The following NRDC variants were observed in gnomAD, a reference collection of about 807,000 sequenced individuals.
NRDC encodes the protein nardilysin.
NRDC carries 54 observed loss-of-function variants against 147.1 expected under a neutral mutation model. That is an observed-to-expected ratio of 0.37 (90% CI 0.29 to 0.46). The LOEUF is 0.46. Among genes scored for constraint, NRDC ranks in the 20% least tolerant of loss-of-function variants. The probability of loss-of-function intolerance (pLI) is 1.00; values close to 1 mark genes in which losing one functional copy is unlikely to be tolerated. For synonymous variants in NRDC, 440 were observed against 482.1 expected, an observed-to-expected ratio of 0.91 and a Z score of 1.14; for missense variants, 1,082 against 1,370.6, an observed-to-expected ratio of 0.79 and a Z score of 3.33.
intron 1 of NRDC, among the ~76,000 whole-genome samples, chr1:51,872,029 A>G (rs1439353772): frequency 1.3e-5 from 2 of 151,962 alleles, no homozygotes; most frequent in Non-Finnish European, 2.9e-5. Context: ...CCGCCACCAC[A>G]CCCAGCTAAT....
chr1:51,856,808 T>C (rs1176987971), intron 1 of NRDC, among the ~76,000 whole-genome samples: 1 of 152,154 alleles, frequency 6.6e-6, no homozygotes, highest in Non-Finnish European at 1.5e-5. Context: ...GGGTCTTGTC[T>C]TGGGGCAGAT....
Position 51,814,769 on chromosome 1 carries a change from A to T in NRDC, c.1484T>A (p.Phe495Tyr). 1 of 1,611,188 alleles carries T rather than the reference A, an allele frequency of 6.2e-7. No individual in the cohort carries two copies. ...CACTGAATAAGTAGAATTTTGCTCA[A>T]ATCCTGTCTCACCATTTCCACCAAA... ...ALFGGNGETG[F>Y]EQNSTYSVFS... Residue 495 changes from phenylalanine (F) to tyrosine (Y), a missense_variant, in exon 12 of 31, where the codon TTT (phenylalanine) becomes TAT (tyrosine). Phe to Tyr is a conservative substitution (Grantham distance 22). Transcript: ENST00000352171.
chr1:51,827,755 G>T (rs1239581040), intron 5 of NRDC, 41 bp downstream of exon 5: 2 of 1,499,712 alleles, frequency 1.3e-6, no homozygotes, highest in Non-Finnish European at 1.9e-6. Context: ...CTGGTTTCAT[G>T]AAGGAAAAAA....
chr1:51,815,378 T>C (rs1405651478), intron 11 of NRDC, among the ~76,000 whole-genome samples: 2 of 152,080 alleles, frequency 1.3e-5, no homozygotes, highest in Non-Finnish European at 2.9e-5. Context: ...TAAAACATAC[T>C]TACATTGAAT....
intron 1 of NRDC, among the ~76,000 whole-genome samples, chr1:51,847,595 C>T (rs1335793464): frequency 2.0e-5 from 3 of 152,314 alleles, no homozygotes; most frequent in South Asian, 2.1e-4. Context: ...GGTGACCTGA[C>T]GCACCCTCCG....
chr1:51,826,311 T>C (rs1193760930), intron 5 of NRDC, among the ~76,000 whole-genome samples: 3 of 152,210 alleles, frequency 2.0e-5, no homozygotes, highest in African/African-American at 7.2e-5. Flanking sequence ...TAAGCCACCA[T>C]GTTTCTGCAA....
chr1:51,806,195 C>T (rs912029042), intron 18 of NRDC, among the ~76,000 whole-genome samples: 1 of 151,784 alleles, frequency 6.6e-6, no homozygotes, highest in Non-Finnish European at 1.5e-5. Context: ...CTACTTAACT[C>T]TATACTATGC....
chr1:51,835,295 A>C (rs1307978730), intron 3 of NRDC, among the ~76,000 whole-genome samples: 1 of 151,894 alleles, frequency 6.6e-6, no homozygotes, highest in Non-Finnish European at 1.5e-5. Context: ...TCCTGACCTC[A>C]GGTGATCCAC....
At chr1:51,802,078 C>T (rs1232853605) in intron 20 of NRDC, among the ~76,000 whole-genome samples, 5 of 152,252 alleles carry the variant, frequency 3.3e-5, no homozygotes, top group Admixed American at 2.0e-4. Context: ...TGAGCCACCG[C>T]GCCAGGCTGA....
At chr1:51,865,279 G>A (rs910099784) in intron 1 of NRDC, among the ~76,000 whole-genome samples, 4 of 151,342 alleles carry the variant, frequency 2.6e-5, no homozygotes, top group African/African-American at 7.3e-5. Context: ...AGTAATAAGG[G>A]GAAATACAAA....
In NRDC at chr1:51,794,845, C is replaced by G; in HGVS notation, c.2614G>C (p.Asp872His). 6.2e-7 allele frequency: 1 copy of G among 1,614,002 alleles called. No individual in the cohort carries two copies. The highest frequency in any genetic ancestry group is 8.5e-7 in the Non-Finnish European group (1 of 1,179,970). Residue 872 changes from aspartate to histidine, a missense_variant, in exon 23 of 31, where the codon GAT becomes CAT. Physicochemically the swap from Asp to His is moderately conservative, Grantham distance 81. This residue lies in a region of NRDC where 635 missense variants were observed against 923.8 expected (regional missense o/e 0.69). Coordinates refer to ENST00000352171, the MANE Select transcript of NRDC (RefSeq NM_001101662.2). Reference protein sequence around the residue: ...QGNVTSTESMDFLKYVVDKLN... With the variant: ...QGNVTSTESMHFLKYVVDKLN... ...TACTCAACAACATATTTCAGGAAAT[C>G]CATAGATTCCTAAGAGGCAAAAGAG...
At chr1:51,845,511 C>A (rs941341850) in intron 1 of NRDC, among the ~76,000 whole-genome samples, 1 of 151,974 alleles carries the variant, frequency 6.6e-6, no homozygotes, top group Non-Finnish European at 1.5e-5. Context: ...GAGAATCACT[C>A]GAACCCGGGA....
At chr1:51,874,072 G>A (rs1050072385) in intron 1 of NRDC, among the ~76,000 whole-genome samples, 4 of 150,270 alleles carry the variant, frequency 2.7e-5, no homozygotes, top group Non-Finnish European at 5.9e-5. Context: ...TGGTGGGGCA[G>A]GTTGTGATGG....
chr1:51,798,269 G>C lies in NRDC; in HGVS notation c.2584C>G (p.Gln862Glu), dbSNP rs548470561. 5.0e-6 allele frequency: 8 copies of C among 1,614,072 alleles called. No individual in the cohort carries two copies. The African/African-American group carries it at 9.3e-5, about 19-fold the overall frequency. The stretch of plus-strand genomic sequence containing the variant: ...CTCACTGTGCTTGTGACATTCCCTT[G>C]TACCAGGCCCTCCACAAAGAGCTGG... ...KSQLFVEGLV[Q>E]GNVTSTESMD... The change falls in exon 22 of 31, where the codon CAA becomes GAA. Residue 862 changes from glutamine (Q) to glutamate (E), a missense_variant. Transcript: ENST00000352171.
At chr1:51,869,364 A>C (rs1682972781) in intron 1 of NRDC, among the ~76,000 whole-genome samples, 3 of 152,210 alleles carry the variant, frequency 2.0e-5, no homozygotes, top group Admixed American at 2.0e-4. Context: ...AATAAAACAA[A>C]AGTCAAATCT....
At chr1:51,819,991 G>T in intron 8 of NRDC, 118 bp from the exon 9 acceptor site, 2 of 724,892 alleles carry the variant, frequency 2.8e-6, no homozygotes, top group Non-Finnish European at 4.6e-6. Context: ...TTCTTGGAAA[G>T]CATTCCAGGC....
intron 5 of NRDC, among the ~76,000 whole-genome samples, chr1:51,826,632 A>G (rs113543769): frequency 0.026 from 3,970 of 152,316 alleles, 120 homozygotes; most frequent in South Asian, 0.097. Context: ...ATAATTTATC[A>G]GCCGGGCGCA....
intron 1 of NRDC, among the ~76,000 whole-genome samples, chr1:51,852,909 G>A (rs1489687705): frequency 6.6e-6 from 1 of 151,932 alleles, no homozygotes; most frequent in Non-Finnish European, 1.5e-5. Flanking sequence ...TAATCTGAGG[G>A]CCCCTTTCAG....
chr1:51,855,715 C>CA (rs926766451), intron 1 of NRDC, among the ~76,000 whole-genome samples: 14 of 151,338 alleles, frequency 9.3e-5, no homozygotes, highest in South Asian at 2.1e-4. Context: ...ACAAAAAATA[C>CA]AAAAAAAAGT....
Sources: allele counts gnomAD v4.1 joint callset (sites outside exome capture counted in the v4.1 genomes callset), GRCh38; gene constraint gnomAD v4.1.1; regional missense constraint gnomAD v4.1.1; transcripts MANE v1.5; gene names NCBI Gene and HGNC (gene_info 2026-07-23, HGNC 2026-07-21).